The following PTPN7 variants were observed in gnomAD, a reference collection of about 807,000 sequenced individuals.
PTPN7 encodes the protein tyrosine-protein phosphatase non-receptor type 7.
In PTPN7, 33 loss-of-function variants were observed where a neutral mutation model predicts 50.3. That is an observed-to-expected ratio of 0.66 (90% CI 0.50 to 0.88). The LOEUF is 0.88. Among genes scored for constraint, PTPN7 ranks in the 40% least tolerant of loss-of-function variants. The pLI, the probability that PTPN7 is intolerant of heterozygous loss-of-function variation, is 0.00. For synonymous variants in PTPN7, 185 were observed against 186.6 expected (o/e 0.99, Z 0.07); for missense variants, 412 against 475.4 (o/e 0.87, Z 1.24).
chr1:202,158,866 C>T (rs1414862977), intron 2 of PTPN7: 1 of 178,950 alleles, frequency 5.6e-6, no homozygotes, highest in Non-Finnish European at 1.2e-5. Flanking sequence ...TCAGGAGATC[C>T]TCTCACCTCA....
At chr1:202,158,388 C>G in intron 2 of PTPN7, 87 bp from the exon 3 acceptor site, 3 of 1,405,680 alleles carry the variant, frequency 2.1e-6, no homozygotes, top group Non-Finnish European at 2.9e-6. Flanking sequence ...GAGATAGGGT[C>G]TCTCTCTGTT....
At chr1:202,152,825 C>T (rs1416762969) in intron 7 of PTPN7, 126 bp from the exon 8 acceptor site, 1 of 1,131,696 alleles carries the variant, frequency 8.8e-7, no homozygotes, top group Admixed American at 2.4e-5. Flanking sequence ...TCAAAGCAAG[C>T]TAGGTTGCAA....
intron 4 of PTPN7, among the ~76,000 whole-genome samples, chr1:202,157,237 C>T (rs1027205079): frequency 5.9e-5 from 9 of 152,210 alleles, no homozygotes; most frequent in Admixed American, 2.0e-4. Context: ...AGGCTGGACG[C>T]GGTGGCTTAC....
At position 202,148,692 on chromosome 1, in the gene PTPN7, T is replaced by TC; in HGVS notation, c.996dup (p.Met333AspfsTer24). 2 of 1,612,412 alleles carry TC rather than the reference T, an allele frequency of 1.2e-6. No individual in the cohort carries two copies. The highest frequency in any genetic ancestry group is 1.1e-5 in the South Asian group (1 of 90,874). On this transcript the variant is annotated frameshift_variant, in exon 10 of 10. Transcript: ENST00000691036. LOFTEE classifies it high-confidence loss of function. ...TGGTACTGCTCTGCCGTCTGGATCATCCCCCCTCTGCAAGGAGAAACACAC... is the reference window on the plus strand; with the variant it reads ...TGGTACTGCTCTGCCGTCTGGATCATCCCCCCCTCTGCAAGGAGAAACACAC...
At chr1:202,148,795 C>T in intron 9 of PTPN7, 96 bp from the exon 10 acceptor site, 1 of 940,122 alleles carries the variant, frequency 1.1e-6, no homozygotes, top group African/African-American at 1.7e-5. Flanking sequence ...CTGGGAAAGT[C>T]CTGACTTTCT....
intron 4 of PTPN7, among the ~76,000 whole-genome samples, chr1:202,156,079 T>G (rs1158592772): frequency 6.6e-6 from 1 of 152,138 alleles, no homozygotes; most frequent in African/African-American, 2.4e-5. Flanking sequence ...TGGCCCCTAT[T>G]GAAGTATTTT....
Position 202,157,295 on chromosome 1 carries a change from A to G in PTPN7, c.391+444T>C, listed in dbSNP as rs183891572. ...GAGGCCGAGGTGGGCGGATCACCTG[A>G]GGTCGGGAGTTCGAGACCAGCCTGA... On this transcript the variant is annotated intron_variant, in intron 4 of 9. Coordinates refer to ENST00000691036, the MANE Select transcript of PTPN7 (RefSeq NM_002832.4). Among the ~76,000 whole-genome samples the G allele has an allele frequency of 2.4e-4, 36 of 152,308 alleles. 1 individual carries two copies. Among genetic ancestry groups the G allele is most frequent in the Middle Eastern group, 3.4e-3 (1 of 294 alleles).
chr1:202,158,269 AC>A lies in PTPN7; in HGVS notation c.154del (p.Val52PhefsTer7). 6.2e-7 allele frequency: 1 copy of A among 1,614,184 alleles called. No homozygotes were observed. The highest frequency in any genetic ancestry group is 8.5e-7 in the Non-Finnish European group (1 of 1,180,010). ...GGGTTCTACGGCCCCCAGGGACCGA[AC>A]GTCCAGCATCAGAGCCACATTGGAG... ...RGSNVALMLD[V>X]RSLGAVEPIC... On this transcript the variant is annotated frameshift_variant, in exon 3 of 10. Coordinates refer to ENST00000691036, the MANE Select transcript of PTPN7 (RefSeq NM_002832.4). LOFTEE classifies it high-confidence loss of function.
chr1:202,153,715 G>C lies in PTPN7; in HGVS notation c.717+10C>G, dbSNP rs776192138. The C allele has an allele frequency of 6.2e-7, 1 of 1,609,476 alleles. No individual in the cohort carries two copies. The highest frequency in any genetic ancestry group is 2.2e-5 in the East Asian group (1 of 44,840). On this transcript the variant is annotated intron_variant, in intron 7 of 9. Coordinates refer to ENST00000691036, the MANE Select transcript of PTPN7 (RefSeq NM_002832.4). ...ACTTCCCACTGGGCCTGGCTCCGGG[G>C]GGGTGGTACCTGGATGGTGAGCTGC...
At chr1:202,156,856 T>C (rs34267351) in intron 4 of PTPN7, among the ~76,000 whole-genome samples, 30,655 of 152,124 alleles carry the variant, frequency 0.2, 3,968 homozygotes, top group South Asian at 0.31. Context: ...CGGGGCCTCA[T>C]GCCTGCCTCC....
chr1:202,150,279 G>A (rs747578263), intron 9 of PTPN7, 32 bp downstream of exon 9: 17 of 1,551,564 alleles, frequency 1.1e-5, no homozygotes, highest in African/African-American at 2.7e-5. Context: ...ATCCGTTAAC[G>A]TTGTTGGCCT....
At chr1:202,149,772 TATC>T (rs1271875730) in intron 9 of PTPN7, 2 of 152,166 alleles carry the variant, frequency 1.3e-5, no homozygotes, top group Non-Finnish European at 2.9e-5. Context: ...TGCTGCCTCA[TATC>T]ATGTTTAATT....
rs960973780 is a variant in PTPN7, at chr1:202,147,073, C to T, written c.*1533G>A. On this transcript the variant is annotated 3_prime_UTR_variant, in exon 10 of 10. Transcript: ENST00000691036. ...TGGTTACTGTTCTGGAGCTTGTACC[C>T]TCTGAGCTCTGAGATGGGGTTGGGG... 4 of 152,126 alleles carry T rather than the reference C, an allele frequency of 2.6e-5. No individual in the cohort carries two copies. The highest frequency in any genetic ancestry group is 9.7e-5 in the African/African-American group (4 of 41,404). The allele number at this position is 152,126 out of a possible 1,614,324, so 9.4% of individuals were successfully genotyped here.
chr1:202,161,284 T>C (rs1657350174), upstream of PTPN7: 6 of 1,157,798 alleles, frequency 5.2e-6, no homozygotes, highest in South Asian at 7.0e-5. Flanking sequence ...AGGAAGCAGA[T>C]AGCAGAGTCC....
chr1:202,150,259 C>G (rs1315747207), intron 9 of PTPN7, 52 bp downstream of exon 9: 1 of 1,414,048 alleles, frequency 7.1e-7, no homozygotes. Flanking sequence ...GGCCCAGAGG[C>G]ACTGATGCCA....
chr1:202,159,801 G>A lies in PTPN7; in HGVS notation c.-52-347C>T. The A allele has an allele frequency of 1.7e-6, 2 of 1,188,624 alleles. No homozygotes were observed. The highest frequency in any genetic ancestry group is 2.1e-6 in the Non-Finnish European group (2 of 957,936). 73.6% of individuals were successfully genotyped at this position (1,188,624 alleles called of 1,614,324 possible). ...AGGCAAGGGAGGAAACAGAAAATAT[G>A]TGTTCTCTAGGACGGAAGGGAGAAA... On this transcript the variant is annotated intron_variant, in intron 1 of 9. Coordinates refer to ENST00000691036, the MANE Select transcript of PTPN7 (RefSeq NM_002832.4). This position sits in a 1 kb window ranked among gnomAD's most constrained non-coding sequence, Gnocchi z 4.6.
rs185524988 is a variant in PTPN7, at chr1:202,160,490, G to A, written c.-53+55C>T. On this transcript the variant is annotated intron_variant, in intron 1 of 9. Coordinates refer to ENST00000691036, the MANE Select transcript of PTPN7 (RefSeq NM_002832.4). The surrounding 1 kb of genome is among the most constrained non-coding windows in gnomAD (Gnocchi z 4.8). Reference sequence around the variant, plus strand: ...CCTAGAGATGCCCTCTTATATCCCCGGAGTTCGCACCCCCCGGGGCCACAG... The same window carrying A: ...CCTAGAGATGCCCTCTTATATCCCCAGAGTTCGCACCCCCCGGGGCCACAG... 8.4e-5 allele frequency: 125 copies of A among 1,492,664 alleles called. No individual in the cohort carries two copies. Among genetic ancestry groups the A allele is most frequent in the African/African-American group, 2.8e-4 (20 of 71,960 alleles). 92.5% of individuals were successfully genotyped at this position (1,492,664 alleles called of 1,614,324 possible). A position where few individuals can be genotyped will look rare whatever the true frequency, so the allele number is the denominator to read the frequency against.
At chr1:202,152,445 C>A in intron 8 of PTPN7, 97 bp downstream of exon 8, 3 of 1,400,354 alleles carry the variant, frequency 2.1e-6, no homozygotes, top group Non-Finnish European at 2.9e-6. Flanking sequence ...CTAGGCTTGC[C>A]TGATGCTTTT....
In PTPN7 at chr1:202,155,562, C is replaced by T. The variant is rs1244759207; in HGVS notation, c.439G>A (p.Gly147Arg). 1.4e-5 allele frequency: 22 copies of T among 1,571,406 alleles called. No individual in the cohort carries two copies. Among genetic ancestry groups the T allele is most frequent in the Middle Eastern group, 1.7e-4 (1 of 6,000 alleles). Residue 147 changes from glycine to arginine, a missense_variant, in exon 5 of 10, where the codon GGA (glycine) becomes AGA (arginine). Coordinates refer to ENST00000691036, the MANE Select transcript of PTPN7 (RefSeq NM_002832.4). ...CLGRAQSQED[G>R]DYINANYIRG... ...ATGTAGTTGGCATTGATGTAATCTCCGTCCTCCTGGCTCTGTGCCCGGCCT... is the reference window on the plus strand; with the variant it reads ...ATGTAGTTGGCATTGATGTAATCTCTGTCCTCCTGGCTCTGTGCCCGGCCT...
Sources: allele counts gnomAD v4.1 joint callset (sites outside exome capture counted in the v4.1 genomes callset), GRCh38; gene constraint gnomAD v4.1.1; non-coding constraint Gnocchi (gnomAD v3.1); transcripts MANE v1.5; gene names NCBI Gene and HGNC (gene_info 2026-07-23, HGNC 2026-07-21).